Variants in KLF8 observed in about 807,000 individuals in gnomAD.
The protein encoded by KLF8 is Krueppel-like factor 8.
KLF8 carries 10 observed loss-of-function variants against 18.2 expected under a neutral mutation model. The ratio of observed to expected loss-of-function variants is 0.55; its 90% CI spans 0.34 to 0.93. The LOEUF (loss-of-function observed/expected upper bound fraction) is 0.93, where lower values mean the gene tolerates loss of function less well. KLF8 is among the 40% of genes least tolerant of loss of function. KLF8 has a pLI of 0.02. For missense variants in KLF8, 264 were observed against 277.9 expected (o/e 0.95, Z 0.36); for synonymous variants, 109 against 97.3 (o/e 1.12, Z -0.71).
chrX:56,210,632 T>TATC, the KLF8 span, among the ~76,000 whole-genome samples: 5 of 111,031 alleles, frequency 4.5e-5, no homozygotes, highest in African/African-American at 1.6e-4. Flanking sequence ...TTTCTACCCC[T>TATC]ATCTCTTTCT....
At chrX:55,922,072 C>A in the KLF8 span, among the ~76,000 whole-genome samples, 1 of 112,318 alleles carries the variant, frequency 8.9e-6, no homozygotes, top group Non-Finnish European at 1.9e-5. Flanking sequence ...CCTCAAAGAC[C>A]TAGCAGCAGA....
the KLF8 span, among the ~76,000 whole-genome samples, chrX:56,139,782 C>A: frequency 2.7e-5 from 3 of 111,353 alleles, no homozygotes; most frequent in Non-Finnish European, 5.7e-5. Flanking sequence ...CAAATGGGAC[C>A]TAATTAAACT....
the KLF8 span, among the ~76,000 whole-genome samples, chrX:56,191,946 AT>A: frequency 9.0e-6 from 1 of 111,518 alleles, no homozygotes; most frequent in South Asian, 3.7e-4. Context: ...CACCACTGTT[AT>A]TTCACGTAGT....
chrX:56,070,007 C>T, the KLF8 span, among the ~76,000 whole-genome samples: 1 of 112,534 alleles, frequency 8.9e-6, no homozygotes, highest in South Asian at 3.6e-4. Context: ...AACCCAAATG[C>T]CCATCAAAGA....
the KLF8 span, among the ~76,000 whole-genome samples, chrX:56,031,890 C>T: frequency 1.3e-4 from 14 of 111,464 alleles, no homozygotes; most frequent in East Asian, 2.8e-4. Context: ...ATGAAAGGGC[C>T]GTGATCGATC....
chrX:55,931,226 G>A, the KLF8 span, among the ~76,000 whole-genome samples: 1 of 111,745 alleles, frequency 8.9e-6, no homozygotes, highest in African/African-American at 3.3e-5. Context: ...GTATTTCTGT[G>A]GGATCAGTGG....
the KLF8 span, among the ~76,000 whole-genome samples, chrX:56,112,977 C>T: frequency 9.1e-6 from 1 of 110,468 alleles, no homozygotes; most frequent in East Asian, 2.8e-4. Context: ...CTTTGGGAGG[C>T]CAAGGAGTGG....
At chrX:56,144,321 G>C in the KLF8 span, among the ~76,000 whole-genome samples, 1 of 110,282 alleles carries the variant, frequency 9.1e-6, no homozygotes, top group Non-Finnish European at 1.9e-5. Context: ...CAAATAAATT[G>C]AACATCATCA....
At chrX:56,147,955 G>A in the KLF8 span, among the ~76,000 whole-genome samples, 1 of 112,354 alleles carries the variant, frequency 8.9e-6, no homozygotes, top group Admixed American at 9.4e-5. Flanking sequence ...TCCAGCCTGG[G>A]CAACAGAGTG....
the KLF8 span, among the ~76,000 whole-genome samples, chrX:56,172,095 G>C: frequency 9.1e-6 from 1 of 109,834 alleles, no homozygotes; most frequent in Non-Finnish European, 1.9e-5. Context: ...TCTTGTTTTG[G>C]TTTTGATTTG....
chrX:55,997,277 G>A, the KLF8 span, among the ~76,000 whole-genome samples: 1 of 111,965 alleles, frequency 8.9e-6, no homozygotes, highest in African/African-American at 3.3e-5. Flanking sequence ...TCATTAGCCA[G>A]TGCGGATGGG....
At chrX:55,947,450 A>C in the KLF8 span, among the ~76,000 whole-genome samples, 3 of 95,490 alleles carry the variant, frequency 3.1e-5, no homozygotes, top group South Asian at 1.9e-3. Context: ...GAACACATGG[A>C]CACAGGAAGG....
chrX:56,099,590 G>C, the KLF8 span, among the ~76,000 whole-genome samples: 1 of 111,096 alleles, frequency 9.0e-6, no homozygotes, highest in African/African-American at 3.3e-5. Flanking sequence ...GCCAAGTTAT[G>C]AATGCGAATG....
the KLF8 span, among the ~76,000 whole-genome samples, chrX:55,963,008 C>T: frequency 3.6e-5 from 4 of 112,086 alleles, no homozygotes; most frequent in African/African-American, 9.7e-5. Context: ...GCTGACATTA[C>T]AGCAAGGAAA....
At chrX:56,190,082 A>G in the KLF8 span, among the ~76,000 whole-genome samples, 1 of 111,229 alleles carries the variant, frequency 9.0e-6, no homozygotes, top group Non-Finnish European at 1.9e-5. Flanking sequence ...GTTACCTGCA[A>G]GAATCACATT....
chrX:56,144,917 C>T, the KLF8 span, among the ~76,000 whole-genome samples: 138 of 107,097 alleles, frequency 1.3e-3, no homozygotes, highest in African/African-American at 4.5e-3. Flanking sequence ...CTTAGCCTCC[C>T]GAGTAGCTGG....
the KLF8 span, among the ~76,000 whole-genome samples, chrX:56,079,044 T>G: frequency 9.0e-6 from 1 of 111,596 alleles, no homozygotes; most frequent in African/African-American, 3.3e-5. Flanking sequence ...TTCTTCTTTA[T>G]TAGTCTTGCT....
intron 5 of KLF8, among the ~76,000 whole-genome samples, chrX:56,278,503 T>A (rs192283797): frequency 2.7e-5 from 3 of 111,186 alleles, no homozygotes; most frequent in Non-Finnish European, 1.9e-5. Context: ...CCTATCCTAC[T>A]GTGGCTAAGC....
the KLF8 span, among the ~76,000 whole-genome samples, chrX:55,967,786 T>TA: frequency 9.0e-6 from 1 of 111,222 alleles, no homozygotes; most frequent in Admixed American, 9.6e-5. Context: ...GATGAACCAA[T>TA]AAAAAATAAT....
Sources: allele counts gnomAD v4.1 joint callset (sites outside exome capture counted in the v4.1 genomes callset), GRCh38; gene constraint gnomAD v4.1.1; transcripts MANE v1.5; gene names NCBI Gene and HGNC (gene_info 2026-07-23, HGNC 2026-07-21).